The following DCBLD1 variants were observed in gnomAD, a reference collection of about 807,000 sequenced individuals.
The protein encoded by DCBLD1 is discoidin, CUB and LCCL domain-containing protein 1.
In DCBLD1, 57 loss-of-function variants were observed where a neutral mutation model predicts 71.5. The observed-to-expected ratio is 0.80, with a 90% CI of 0.64 to 0.99. The LOEUF (loss-of-function observed/expected upper bound fraction) is 0.99. DCBLD1 is among the 50% of genes least tolerant of loss of function. The pLI is 0.00. For missense variants in DCBLD1, 891 were observed against 923.5 expected (o/e 0.96, Z 0.46); for synonymous variants, 380 against 363.8 (o/e 1.04, Z -0.51).
intron 1 of DCBLD1, among the ~76,000 whole-genome samples, chr6:117,486,654 T>G (rs1014750900): frequency 6.6e-5 from 10 of 152,222 alleles, no homozygotes; most frequent in Admixed American, 1.3e-4. Context: ...TCCACAAAGC[T>G]TGCTCCTCCT....
In DCBLD1 at chr6:117,503,963, C is replaced by G; in HGVS notation, c.309C>G (p.Ser103Arg). Residue 103 changes from serine to arginine, a missense_variant, in exon 2 of 15, where the codon AGC (serine) becomes AGG (arginine). Transcript: ENST00000338728. ...TCASDYLLFTSSSDQYGPYCG... is the reference protein window; with the variant it reads ...TCASDYLLFTRSSDQYGPYCG... ...CTTCTGACTATCTTCTCTTCACCAG[C>G]TCTTCAGATCAATATGGTAAGAAAA... is the stretch of plus-strand genomic sequence containing the variant. 1 of 1,613,990 alleles carries G rather than the reference C, an allele frequency of 6.2e-7. No individual in the cohort carries two copies.
intron 2 of DCBLD1, among the ~76,000 whole-genome samples, chr6:117,505,237 C>G (rs1582981960): frequency 6.6e-6 from 1 of 152,098 alleles, no homozygotes; most frequent in African/African-American, 2.4e-5. Context: ...ATGACACTTC[C>G]AGGGATGCTG....
chr6:117,483,724 G>T (rs1251609921), intron 1 of DCBLD1, among the ~76,000 whole-genome samples: 1 of 151,376 alleles, frequency 6.6e-6, no homozygotes, highest in East Asian at 1.9e-4. Context: ...AATAGCAAGG[G>T]CCAGCTTTCT....
At position 117,547,981 on chromosome 6, in the gene DCBLD1, G is replaced by C. The variant is rs1023434847; in HGVS notation, c.1690G>C (p.Asp564His). The C allele has an allele frequency of 1.3e-6, 2 of 1,550,486 alleles. No individual in the cohort carries two copies. Among genetic ancestry groups the C allele is most frequent in the Non-Finnish European group, 8.7e-7 (1 of 1,146,988 alleles). ...CTCCACCTTCCGGCCCATGGACACGGATGCCGAGGAGGCAGGGGTGAGCAC... is the reference window on the plus strand; with the variant it reads ...CTCCACCTTCCGGCCCATGGACACGCATGCCGAGGAGGCAGGGGTGAGCAC... ...KGSTFRPMDT[D>H]AEEAGVSTDA... The change falls in exon 15 of 15, where the codon GAT (aspartate) becomes CAT (histidine). Residue 564 changes from aspartate (D) to histidine (H), a missense_variant. By Grantham distance (81) the Asp-to-His change is moderately conservative. Transcript: ENST00000338728.
chr6:117,517,274 C>G (rs532294487), intron 2 of DCBLD1, among the ~76,000 whole-genome samples: 17 of 152,360 alleles, frequency 1.1e-4, no homozygotes, highest in African/African-American at 3.8e-4. Flanking sequence ...GCAGTCAAAT[C>G]TTAAAGCTCC....
In DCBLD1 at chr6:117,482,855, C is replaced by T. The variant is rs1211182168; in HGVS notation, c.74C>T (p.Ala25Val). ...CGGGGCCTCCTGGCTTTGCTGCTCG[C>T]GGTCTCCGCCCCGCTCCGGCTGCAG... ...AGRGLLALLLAVSAPLRLQAE... is the reference protein window; with the variant it reads ...AGRGLLALLLVVSAPLRLQAE... Residue 25 changes from alanine to valine, a missense_variant, in exon 1 of 15, where the codon GCG becomes GTG. Physicochemically the swap from Ala to Val is moderately conservative, Grantham distance 64. Transcript: ENST00000338728. 1 of 1,184,246 alleles carries T rather than the reference C, an allele frequency of 8.4e-7. No homozygotes were observed. The highest frequency in any genetic ancestry group is 3.6e-5 in the South Asian group (1 of 27,984). The allele number at this position is 1,184,246 out of a possible 1,614,324, so 73.4% of individuals were successfully genotyped here.
chr6:117,552,828 C>G (rs13202536), downstream of DCBLD1, among the ~76,000 whole-genome samples: 1 of 152,094 alleles, frequency 6.6e-6, no homozygotes, highest in Non-Finnish European at 1.5e-5. Flanking sequence ...CTCAAAACCC[C>G]CTGAGTTCTT....
chr6:117,500,262 A>T (rs950710803), intron 1 of DCBLD1, among the ~76,000 whole-genome samples: 3 of 152,228 alleles, frequency 2.0e-5, no homozygotes, highest in African/African-American at 7.2e-5. Context: ...CTCCATAAAT[A>T]GTCTACTTCC....
chr6:117,493,563 AAG>A (rs1368183320), intron 1 of DCBLD1, among the ~76,000 whole-genome samples: 32 of 152,330 alleles, frequency 2.1e-4, no homozygotes, highest in African/African-American at 6.3e-4. Flanking sequence ...TTGAGACAAA[AAG>A]AGTATGACTA....
intron 6 of DCBLD1, among the ~76,000 whole-genome samples, chr6:117,534,216 G>A (rs1778812503): frequency 6.6e-6 from 1 of 152,096 alleles, no homozygotes; most frequent in African/African-American, 2.4e-5. Context: ...TATGCTATTA[G>A]AAATTAAAAT....
intron 2 of DCBLD1, among the ~76,000 whole-genome samples, chr6:117,507,810 T>C (rs1309534450): frequency 6.6e-6 from 1 of 152,218 alleles, no homozygotes; most frequent in Non-Finnish European, 1.5e-5. Flanking sequence ...ATTCAGATTA[T>C]ATATTCTGGG....
rs959174164 is a variant in DCBLD1, at chr6:117,539,432, A to G, written c.1101+53A>G. ...ACTGAGTAGGAGAACAGGCCTCTAT[A>G]TATTTTCATCAATGTGTTTACATTA... On this transcript the variant is annotated intron_variant, in intron 9 of 14. Transcript: ENST00000338728. The G allele has an allele frequency of 3.9e-5, 59 of 1,528,350 alleles. No homozygotes were observed. The African/African-American group carries it at 6.5e-4, about 17-fold the overall frequency. The allele number at this position is 1,528,350 out of a possible 1,614,324, so 94.7% of individuals were successfully genotyped here.
At chr6:117,552,365 A>G (rs1353104578), downstream of DCBLD1, among the ~76,000 whole-genome samples, 1 of 152,132 alleles carries the variant, frequency 6.6e-6, no homozygotes, top group African/African-American at 2.4e-5. Flanking sequence ...TCTCTGCCCA[A>G]TCTGAAGTCA....
Position 117,540,967 on chromosome 6 carries a change from A to C in DCBLD1, c.1299A>C (p.Ser433=). The change falls in exon 11 of 15, where the codon TCA becomes TCC. Residue 433 remains serine (S), a synonymous_variant. Transcript: ENST00000338728. ...AGACAAGTCAAAGCACCAGTGTTTC[A>C]ACTAAGAAAGAAGATGAGACAATCA... ...WRKTSQSTSV[S]TKKEDETITR... 6.2e-7 allele frequency: 1 copy of C among 1,614,086 alleles called. No individual in the cohort carries two copies. The highest frequency in any genetic ancestry group is 8.5e-7 in the Non-Finnish European group (1 of 1,180,042).
intron 4 of DCBLD1, among the ~76,000 whole-genome samples, chr6:117,523,178 G>A (rs1372808536): frequency 6.6e-6 from 1 of 152,214 alleles, no homozygotes; most frequent in African/African-American, 2.4e-5. Context: ...CCTAAAGAAA[G>A]GGAATATATC....
chr6:117,495,734 C>G (rs2114392017), intron 1 of DCBLD1, among the ~76,000 whole-genome samples: 1 of 152,354 alleles, frequency 6.6e-6, no homozygotes, highest in East Asian at 1.9e-4. Flanking sequence ...GCAGAAGTCT[C>G]AAGACTGGAG....
intron 14 of DCBLD1, chr6:117,547,671 C>T (rs1779314051): frequency 4.9e-6 from 4 of 819,674 alleles, no homozygotes; most frequent in South Asian, 1.5e-5. Context: ...ACGTCGTCGT[C>T]GCCCCCATCT....
chr6:117,513,804 A>G (rs976006686), intron 2 of DCBLD1, among the ~76,000 whole-genome samples: 5 of 152,208 alleles, frequency 3.3e-5, no homozygotes, highest in Non-Finnish European at 5.9e-5. Context: ...ATATAACCAC[A>G]ATCAAAGTTA....
intron 14 of DCBLD1, among the ~76,000 whole-genome samples, chr6:117,564,297 C>T (rs550202359): frequency 9.2e-5 from 14 of 152,212 alleles, no homozygotes; most frequent in Admixed American, 4.6e-4. Flanking sequence ...AGAAGTAATA[C>T]ATATAATTGT....
Sources: allele counts gnomAD v4.1 joint callset (sites outside exome capture counted in the v4.1 genomes callset), GRCh38; gene constraint gnomAD v4.1.1; transcripts MANE v1.5; gene names NCBI Gene and HGNC (gene_info 2026-07-23, HGNC 2026-07-21).